The following MTAP variants were observed in gnomAD, a reference collection of about 807,000 sequenced individuals.
MTAP encodes the protein S-methyl-5'-thioadenosine phosphorylase.
MTAP carries 33 observed loss-of-function variants against 33.6 expected under a neutral mutation model. That is an observed-to-expected ratio of 0.98 (90% confidence interval 0.74 to 1.31). The LOEUF is 1.31. MTAP is among the 40% of genes most tolerant of loss of function. The pLI, the probability that MTAP is intolerant of heterozygous loss-of-function variation, is 0.00. For missense variants in MTAP, 367 were observed against 360.0 expected (o/e 1.02, Z -0.16); for synonymous variants, 148 against 125.7 (o/e 1.18, Z -1.19).
At chr9:21,867,780 C>G (rs559091973), downstream of MTAP, among the ~76,000 whole-genome samples, 44 of 151,834 alleles carry the variant, frequency 2.9e-4, no homozygotes, top group South Asian at 8.3e-4. Flanking sequence ...AAGGCTGGAA[C>G]AGCAGGTTAC....
Position 21,854,883 on chromosome 9 carries a change from C to A in MTAP, c.690+13C>A. ...GCACGAGGAAGCAGTAGGTGGAATT[C>A]TTTTCTAAGCACATATAGCATGGGT... On this transcript the variant is annotated intron_variant, in intron 6 of 7. Transcript: ENST00000644715. The A allele has an allele frequency of 1.2e-6, 2 of 1,613,656 alleles. No homozygotes were observed. The highest frequency in any genetic ancestry group is 1.7e-6 in the Non-Finnish European group (2 of 1,179,704).
intron 4 of MTAP, among the ~76,000 whole-genome samples, chr9:21,835,943 T>TC (rs751206147): frequency 1.2e-4 from 19 of 152,206 alleles, no homozygotes; most frequent in Non-Finnish European, 2.1e-4. Flanking sequence ...GTCTGCACCT[T>TC]CCCTTCTGGT....
At chr9:21,856,228 G>C (rs1262500078) in intron 6 of MTAP, 16 of 964,440 alleles carry the variant, frequency 1.7e-5, no homozygotes, top group Non-Finnish European at 2.0e-5. Context: ...TTTAGGGTAA[G>C]TGACATCTCC....
chr9:21,900,624 T>TAAAAAC, intron 1 of MTAP, among the ~76,000 whole-genome samples: 1 of 152,254 alleles, frequency 6.6e-6, no homozygotes, highest in South Asian at 2.1e-4. Context: ...TCAAAGGATT[T>TAAAAAC]AAAAACAAAA....
intron 6 of MTAP, among the ~76,000 whole-genome samples, chr9:21,856,598 C>T (rs1825649027): frequency 2.0e-5 from 3 of 152,180 alleles, no homozygotes; most frequent in Admixed American, 2.0e-4. Context: ...TAACATATGT[C>T]TCCTCCTTTG....
intron 4 of MTAP, among the ~76,000 whole-genome samples, chr9:21,822,165 C>T (rs757397261): frequency 3.9e-5 from 6 of 152,056 alleles, no homozygotes; most frequent in Non-Finnish European, 5.9e-5. Context: ...TTCTTGTCTT[C>T]TGCTAGCTTT....
chr9:21,924,085 C>T (rs1172716969), intron 1 of MTAP, among the ~76,000 whole-genome samples: 1 of 152,152 alleles, frequency 6.6e-6, no homozygotes, highest in African/African-American at 2.4e-5. Flanking sequence ...TGGGTATTTC[C>T]TCTGTTCTCA....
chr9:21,895,203 A>C (rs1189806803), intron 1 of MTAP, among the ~76,000 whole-genome samples: 1 of 152,258 alleles, frequency 6.6e-6, no homozygotes, highest in East Asian at 1.9e-4. Flanking sequence ...AACATGAAAA[A>C]GCCAGAATAA....
chr9:21,811,540 C>A, intron 1 of MTAP: 1 of 323,414 alleles, frequency 3.1e-6, no homozygotes, highest in East Asian at 7.9e-5. Context: ...TACACTAAGA[C>A]ATGGCTGTCA....
chr9:21,871,745 G>C (rs1002953798), downstream of MTAP, among the ~76,000 whole-genome samples: 4 of 152,076 alleles, frequency 2.6e-5, no homozygotes, highest in Non-Finnish European at 5.9e-5. Flanking sequence ...AATATTTCCT[G>C]TTTTGTACTC....
chr9:21,846,840 G>A lies in MTAP; in HGVS notation c.451-7791G>A, dbSNP rs117884466. Among the ~76,000 whole-genome samples, 588 of 152,314 alleles carry A rather than the reference G, an allele frequency of 3.9e-3. 1 individual carries two copies. The highest frequency in any genetic ancestry group is 6.3e-3 in the Non-Finnish European group (428 of 68,028). ...AACTATGGAACCAACCTAAATGCCC[G>A]TTGACCAATGAGTGAATAAAGAAAA... On this transcript the variant is annotated intron_variant, in intron 5 of 7. Coordinates refer to ENST00000644715, the MANE Select transcript of MTAP (RefSeq NM_002451.4).
chr9:21,822,401 C>G (rs1248122671), intron 4 of MTAP, among the ~76,000 whole-genome samples: 1 of 152,182 alleles, frequency 6.6e-6, no homozygotes, highest in Non-Finnish European at 1.5e-5. Flanking sequence ...AGTAGTCATT[C>G]AGGAGCAGGT....
chr9:21,842,711 G>GA (rs1355176621), intron 5 of MTAP, among the ~76,000 whole-genome samples: 1 of 152,156 alleles, frequency 6.6e-6, no homozygotes, highest in Non-Finnish European at 1.5e-5. Flanking sequence ...CAAATGCTGA[G>GA]AGAATTTGCC....
intron 1 of MTAP, among the ~76,000 whole-genome samples, chr9:21,926,439 A>G (rs1183911995): frequency 6.6e-6 from 1 of 152,196 alleles, no homozygotes; most frequent in African/African-American, 2.4e-5. Context: ...CCCAACCCAT[A>G]TATTATTCTA....
At chr9:21,879,478 T>C (rs562238474) in intron 1 of MTAP, among the ~76,000 whole-genome samples, 82 of 152,196 alleles carry the variant, frequency 5.4e-4, no homozygotes, top group African/African-American at 1.9e-3. Flanking sequence ...GAAGACAGCA[T>C]GCCACTGAAT....
Position 21,824,531 on chromosome 9 carries a change from T to G in MTAP, c.347+6329T>G, listed in dbSNP as rs1824734694. ...GCCCTACTGGGGGGTGCCTCACAGT[T>G]AGCCTACTCGGGGTTCAGGGACCCA... On this transcript the variant is annotated intron_variant, in intron 4 of 7. Coordinates refer to ENST00000644715, the MANE Select transcript of MTAP (RefSeq NM_002451.4). Among the ~76,000 whole-genome samples, 3 of 152,208 alleles carry G rather than the reference T, an allele frequency of 2.0e-5. No individual in the cohort carries two copies. In the South Asian group the frequency reaches 6.2e-4, roughly 31 times the overall value.
At chr9:21,901,409 A>G (rs778862291) in intron 1 of MTAP, among the ~76,000 whole-genome samples, 1 of 152,188 alleles carries the variant, frequency 6.6e-6, no homozygotes, top group Non-Finnish European at 1.5e-5. Context: ...AAAAGTAATG[A>G]AGCTTGAAAA....
intron 1 of MTAP, among the ~76,000 whole-genome samples, chr9:21,916,942 G>A (rs1818703066): frequency 6.6e-6 from 1 of 152,220 alleles, no homozygotes; most frequent in African/African-American, 2.4e-5. Context: ...GTGAGAAATA[G>A]AGTTGGCCCA....
chr9:21,824,917 C>T (rs1345751799), intron 4 of MTAP, among the ~76,000 whole-genome samples: 2 of 152,000 alleles, frequency 1.3e-5, no homozygotes, highest in Non-Finnish European at 1.5e-5. Context: ...GGGATATAAT[C>T]TCCTGGTGTG....
Sources: allele counts gnomAD v4.1 joint callset (sites outside exome capture counted in the v4.1 genomes callset), GRCh38; gene constraint gnomAD v4.1.1; transcripts MANE v1.5; gene names NCBI Gene and HGNC (gene_info 2026-07-23, HGNC 2026-07-21).